RAB11FIP3: variants seen among roughly 807,000 people sequenced by gnomAD.
RAB11FIP3 encodes the protein rab11 family-interacting protein 3.
Under a neutral mutation model 77.8 loss-of-function variants are expected in RAB11FIP3, and 17 were observed. The observed-to-expected ratio is 0.22, with a 90% CI of 0.15 to 0.33. The LOEUF is 0.33. RAB11FIP3 is among the 10% of genes least tolerant of loss of function. The probability of loss-of-function intolerance (pLI) is 1.00; values close to 1 mark genes in which losing one functional copy is unlikely to be tolerated. For synonymous variants in RAB11FIP3, 437 were observed against 448.2 expected, an observed-to-expected ratio of 0.98 and a Z score of 0.31; for missense variants, 1,005 against 1,011.2, an observed-to-expected ratio of 0.99 and a Z score of 0.08.
chr16:464,946 A>T (rs1232850881), intron 2 of RAB11FIP3, among the ~76,000 whole-genome samples: 1 of 152,196 alleles, frequency 6.6e-6, no homozygotes, highest in Admixed American at 6.5e-5. Flanking sequence ...TGTGTGTAAT[A>T]GAGAATGCGA....
rs1053133986 is a variant in RAB11FIP3, at chr16:505,085, G to A, written c.1396-439G>A. On this transcript the variant is annotated intron_variant, in intron 7 of 13. Transcript: ENST00000262305. The surrounding 1 kb of genome is among the most constrained non-coding windows in gnomAD (Gnocchi z 4.0). ...TTCACTCCTTCTCCTACCTCCGCAG[G>A]TGTCTGATTCTCATCTTGGTGTGAA... Among the ~76,000 whole-genome samples, 13 of 150,558 alleles carry A rather than the reference G, an allele frequency of 8.6e-5. No homozygotes were observed. The highest frequency in any genetic ancestry group is 2.7e-4 in the African/African-American group (11 of 40,774).
chr16:494,043 A>G (rs1381913365), intron 5 of RAB11FIP3, among the ~76,000 whole-genome samples: 3 of 103,742 alleles, frequency 2.9e-5, no homozygotes, highest in Non-Finnish European at 5.7e-5. Flanking sequence ...AGCTGGGACT[A>G]CAGGCGCCCA....
At chr16:453,876 T>G (rs556855286) in intron 1 of RAB11FIP3, among the ~76,000 whole-genome samples, 5 of 152,234 alleles carry the variant, frequency 3.3e-5, no homozygotes, top group Admixed American at 6.5e-5. Flanking sequence ...ATTACAGACG[T>G]GAGCCACCAC....
rs890965973 is a variant in RAB11FIP3 at position 514,256 on chromosome 16, C to T, written c.1640+3456C>T. Among the ~76,000 whole-genome samples the T allele has an allele frequency of 3.9e-5, 6 of 152,252 alleles. No homozygotes were observed. The highest frequency in any genetic ancestry group is 3.9e-4 in the Admixed American group (6 of 15,290). On this transcript the variant is annotated intron_variant, in intron 9 of 13. Transcript: ENST00000262305. The surrounding 1 kb of genome is among the most constrained non-coding windows in gnomAD (Gnocchi z 4.6). The stretch of plus-strand genomic sequence containing the variant: ...GGCCCCTGCAGCCCCAGGTCAGCAA[C>T]CTGCGGTCAGCCCAGCACGAGGCCT...
At chr16:469,729 T>C (rs1335880916) in intron 2 of RAB11FIP3, among the ~76,000 whole-genome samples, 1 of 152,190 alleles carries the variant, frequency 6.6e-6, no homozygotes, top group Non-Finnish European at 1.5e-5. Flanking sequence ...TTTGCTATAT[T>C]GCCCAGGCCA....
In RAB11FIP3 at chr16:506,989, CAG is replaced by C. The variant is rs1261775225; in HGVS notation, c.1499+1363_1499+1364del. The stretch of plus-strand genomic sequence containing the variant: ...TTGTTTTGTTTTGTTTTTTGAGAGA[CAG>C]GGCCTCGCTCTGTTGCTCAGGCTGA... On this transcript the variant is annotated intron_variant, in intron 8 of 13. Coordinates refer to ENST00000262305, the MANE Select transcript of RAB11FIP3 (RefSeq NM_014700.4). This position sits in a 1 kb window ranked among gnomAD's most constrained non-coding sequence, Gnocchi z 4.5. 6.6e-6 allele frequency among the ~76,000 whole-genome samples: 1 copy of C among 152,190 alleles called. No individual in the cohort carries two copies. Among genetic ancestry groups the C allele is most frequent in the African/African-American group, 2.4e-5 (1 of 41,450 alleles).
At chr16:432,421 A>C (rs2055052260) in intron 1 of RAB11FIP3, among the ~76,000 whole-genome samples, 1 of 152,122 alleles carries the variant, frequency 6.6e-6, no homozygotes, top group Non-Finnish European at 1.5e-5. Context: ...ATACTAGTAG[A>C]TAAAATAAGA....
intron 5 of RAB11FIP3, among the ~76,000 whole-genome samples, chr16:492,023 T>C (rs2030245341): frequency 6.6e-6 from 1 of 152,190 alleles, no homozygotes; most frequent in Non-Finnish European, 1.5e-5. Context: ...AGGTGAGTTA[T>C]CCTGACGGTT....
In RAB11FIP3 at chr16:481,020, G is replaced by T. The variant is rs372212539; in HGVS notation, c.904-1505G>T. On this transcript the variant is annotated intron_variant, in intron 3 of 13. Coordinates refer to ENST00000262305, the MANE Select transcript of RAB11FIP3 (RefSeq NM_014700.4). ...GACGGGGTTTTTCCATATTGGTCAGGCTGGTCTCGAACTCCCAACCTCAGG... is the reference window on the plus strand; with the variant it reads ...GACGGGGTTTTTCCATATTGGTCAGTCTGGTCTCGAACTCCCAACCTCAGG... 1.1e-4 allele frequency among the ~76,000 whole-genome samples: 6 copies of T among 56,430 alleles called. 1 individual carries two copies. The highest frequency in any genetic ancestry group is 2.4e-4 in the African/African-American group (6 of 25,490). 37.0% of individuals were successfully genotyped at this position (56,430 alleles called of 152,430 possible).
intron 3 of RAB11FIP3, among the ~76,000 whole-genome samples, chr16:479,918 AAAC>A (rs201759094): frequency 6.6e-6 from 1 of 151,022 alleles, no homozygotes; most frequent in Non-Finnish European, 1.5e-5. Flanking sequence ...ACACTGTCTC[AAAC>A]AACAACAACA....
intron 6 of RAB11FIP3, among the ~76,000 whole-genome samples, chr16:501,056 G>A: frequency 6.6e-6 from 1 of 152,206 alleles, no homozygotes; most frequent in East Asian, 1.9e-4. Flanking sequence ...GGGCACCGGT[G>A]TGTTCCAGCT....
At chr16:431,261 A>C (rs548865497) in intron 1 of RAB11FIP3, among the ~76,000 whole-genome samples, 177 of 152,336 alleles carry the variant, frequency 1.2e-3, no homozygotes, top group African/African-American at 4.1e-3. Flanking sequence ...CTGGGTCTAC[A>C]TGCTGACTGA....
intron 6 of RAB11FIP3, 168 bp downstream of exon 6, chr16:497,027 G>A: frequency 1.4e-6 from 1 of 736,744 alleles, no homozygotes; most frequent in Non-Finnish European, 2.1e-6. Context: ...TTGGGAAAGG[G>A]GTTTCCAGGG....
Position 466,873 on chromosome 16 carries a change from G to A in RAB11FIP3, c.809-4422G>A, listed in dbSNP as rs145678268. 3.1e-3 allele frequency among the ~76,000 whole-genome samples: 466 copies of A among 152,292 alleles called. 7 individuals carry two copies. Among genetic ancestry groups the A allele is most frequent in the Non-Finnish European group, 3.6e-3 (244 of 68,024 alleles). Reference sequence around the variant, plus strand: ...CCTGCGCCTGTCTGCTTGAGAGGGCGGTGAGCTAGTCATCGTGAGCCGGCC... The same window carrying A: ...CCTGCGCCTGTCTGCTTGAGAGGGCAGTGAGCTAGTCATCGTGAGCCGGCC... On this transcript the variant is annotated intron_variant, in intron 2 of 13. Coordinates refer to ENST00000262305, the MANE Select transcript of RAB11FIP3 (RefSeq NM_014700.4).
intron 6 of RAB11FIP3, 140 bp downstream of exon 6, chr16:496,999 A>G: frequency 1.1e-6 from 1 of 931,530 alleles, no homozygotes; most frequent in Non-Finnish European, 1.6e-6. Context: ...TTGGGGCTGA[A>G]GGTATCCTGA....
At chr16:450,149 C>T (rs1026425418) in intron 1 of RAB11FIP3, among the ~76,000 whole-genome samples, 6 of 151,988 alleles carry the variant, frequency 3.9e-5, no homozygotes, top group Admixed American at 6.6e-5. Context: ...CACCATTTGA[C>T]CTGCCGAACG....
At chr16:486,802 G>A (rs2056163887) in intron 4 of RAB11FIP3, among the ~76,000 whole-genome samples, 1 of 152,220 alleles carries the variant, frequency 6.6e-6, no homozygotes, top group Non-Finnish European at 1.5e-5. Flanking sequence ...TGAGGGAGTA[G>A]CAGGTTTCAC....
At chr16:496,333 T>C (rs2031126692) in intron 5 of RAB11FIP3, among the ~76,000 whole-genome samples, 1 of 152,252 alleles carries the variant, frequency 6.6e-6, no homozygotes, top group South Asian at 2.1e-4. Flanking sequence ...TTTACTGCCC[T>C]GAAATGGCAA....
chr16:515,452 C>T lies in RAB11FIP3; in HGVS notation c.1641-3491C>T, dbSNP rs563481349. 1.1e-4 allele frequency among the ~76,000 whole-genome samples: 16 copies of T among 152,222 alleles called. No individual in the cohort carries two copies. In the South Asian group the frequency reaches 2.3e-3, roughly 22 times the overall value. On this transcript the variant is annotated intron_variant, in intron 9 of 13. Transcript: ENST00000262305. ...CAACACCCTGCGCCAGCAGCTACAC[C>T]GGTGTTTGCATCTCGGAGCAGCCAC...
Sources: allele counts gnomAD v4.1 joint callset (sites outside exome capture counted in the v4.1 genomes callset), GRCh38; gene constraint gnomAD v4.1.1; non-coding constraint Gnocchi (gnomAD v3.1); transcripts MANE v1.5; gene names NCBI Gene and HGNC (gene_info 2026-07-23, HGNC 2026-07-21).